Variants in REEP3 observed in about 807,000 individuals in gnomAD.
REEP3 encodes receptor expression-enhancing protein 3.
In REEP3, 20 loss-of-function variants were observed where a neutral mutation model predicts 41.3. That is an observed-to-expected ratio of 0.48 (90% CI 0.34 to 0.70). The LOEUF is 0.70. Among genes scored for constraint, REEP3 ranks in the 30% least tolerant of loss-of-function variants. The pLI is 0.01. For synonymous variants in REEP3, 104 were observed against 101.8 expected, an observed-to-expected ratio of 1.02 and a Z score of -0.13; for missense variants, 271 against 308.8, an observed-to-expected ratio of 0.88 and a Z score of 0.92.
intron 1 of REEP3, among the ~76,000 whole-genome samples, chr10:63,540,047 A>G (rs1292909323): frequency 6.6e-6 from 1 of 152,244 alleles, no homozygotes; most frequent in Non-Finnish European, 1.5e-5. Context: ...ATGATATTAA[A>G]ACAAGAAAAT....
rs978807838 is a variant in REEP3, at chr10:63,565,626, G to A, written c.33-712G>A. Among the ~76,000 whole-genome samples, 5 of 152,132 alleles carry A rather than the reference G, an allele frequency of 3.3e-5. No individual in the cohort carries two copies. The East Asian group carries it at 7.7e-4, about 23-fold the overall frequency. On this transcript the variant is annotated intron_variant, in intron 1 of 7. Coordinates refer to ENST00000373758, the MANE Select transcript of REEP3 (RefSeq NM_001001330.3). ...GTTTTCATTACCACAAATTGTGTAC[G>A]TGTATGTTTATGTCTTAGGTATACT...
chr10:63,561,224 T>G (rs1191753014), intron 1 of REEP3, among the ~76,000 whole-genome samples: 4 of 152,216 alleles, frequency 2.6e-5, no homozygotes, highest in Non-Finnish European at 4.4e-5. Context: ...GTTACATACA[T>G]TTAAGAAATA....
chr10:63,590,734 G>A (rs1216979789), intron 2 of REEP3, among the ~76,000 whole-genome samples: 2 of 152,142 alleles, frequency 1.3e-5, no homozygotes, highest in Non-Finnish European at 2.9e-5. Context: ...GAAATATTGG[G>A]TATAGCTTTC....
intron 3 of REEP3, among the ~76,000 whole-genome samples, chr10:63,595,797 C>T (rs538879846): frequency 5.9e-5 from 9 of 152,284 alleles, no homozygotes; most frequent in South Asian, 2.1e-4. Context: ...AGGCTGGTCT[C>T]GAACTCCCAA....
intron 1 of REEP3, among the ~76,000 whole-genome samples, chr10:63,531,049 A>G (rs1955416811): frequency 6.6e-6 from 1 of 152,214 alleles, no homozygotes; most frequent in Admixed American, 6.5e-5. Context: ...AAGTAAATTT[A>G]CCAGTTTCGT....
rs1304811434 is a variant in REEP3, at chr10:63,622,070, A to G, written c.*1201A>G. The G allele has an allele frequency of 1.3e-5, 2 of 152,216 alleles. No homozygotes were observed. Among genetic ancestry groups the G allele is most frequent in the Non-Finnish European group, 2.9e-5 (2 of 68,040 alleles). 9.4% of individuals were successfully genotyped at this position (152,216 alleles called of 1,614,324 possible). A position where few individuals can be genotyped will look rare whatever the true frequency, so the allele number is the denominator to read the frequency against. On this transcript the variant is annotated 3_prime_UTR_variant, in exon 8 of 8. Coordinates refer to ENST00000373758, the MANE Select transcript of REEP3 (RefSeq NM_001001330.3). Reference sequence around the variant, plus strand: ...CTTAAGGCTTTCTTAGCTTGAACTGATAACTATGCATTATGAACCCTAAGT... The same window carrying G: ...CTTAAGGCTTTCTTAGCTTGAACTGGTAACTATGCATTATGAACCCTAAGT...
chr10:63,574,847 CTTTTTTTT>C (rs56001048), intron 2 of REEP3, among the ~76,000 whole-genome samples: 53 of 58,930 alleles, frequency 9.0e-4, no homozygotes, highest in African/African-American at 3.1e-3. Flanking sequence ...AGGTCAATTT[CTTTTTTTT>C]TTTTTTTTTT....
intron 5 of REEP3, among the ~76,000 whole-genome samples, chr10:63,601,560 G>T (rs1956171927): frequency 6.6e-6 from 1 of 152,174 alleles, no homozygotes; most frequent in Admixed American, 6.5e-5. Flanking sequence ...AAGGTGCCAG[G>T]AGGGATGTCT....
rs143855674 is a variant in REEP3, at chr10:63,597,114, A to G, written c.183-910A>G. Among the ~76,000 whole-genome samples, 138 of 152,304 alleles carry G rather than the reference A, an allele frequency of 9.1e-4. 1 individual carries two copies. The highest frequency in any genetic ancestry group is 3.2e-3 in the African/African-American group (135 of 41,562). ...CTGCTGGCCAAAGCAAGCAAGTCAC[A>G]TGGTTAAAGCCACAGTCATTGGTTG... is the stretch of plus-strand genomic sequence containing the variant. On this transcript the variant is annotated intron_variant, in intron 3 of 7. Transcript: ENST00000373758.
Position 63,619,781 on chromosome 10 carries a change from C to G in REEP3, c.692C>G (p.Thr231Ser). ...TCGCAAAGCATGAAATCTGTGAAAA[C>G]CACCAAAGGCCGCAAAGAGGTTGGT... ...RRSQSMKSVK[T>S]TKGRKEVRYG... The change falls in exon 7 of 8, where the codon ACC (threonine) becomes AGC (serine). Residue 231 changes from threonine to serine, a missense_variant. Physicochemically the swap from Thr to Ser is moderately conservative, Grantham distance 58. Coordinates refer to ENST00000373758, the MANE Select transcript of REEP3 (RefSeq NM_001001330.3). The G allele has an allele frequency of 6.2e-7, 1 of 1,609,146 alleles. No homozygotes were observed. The highest frequency in any genetic ancestry group is 1.1e-5 in the South Asian group (1 of 89,660).
intron 2 of REEP3, among the ~76,000 whole-genome samples, chr10:63,588,911 A>G (rs1956032068): frequency 6.6e-6 from 1 of 152,206 alleles, no homozygotes; most frequent in South Asian, 2.1e-4. Context: ...AGACAAGGAA[A>G]CAGCATGCAA....
At position 63,524,604 on chromosome 10, in the gene REEP3, C is replaced by T. The variant is rs182919868; in HGVS notation, c.32+3027C>T. On this transcript the variant is annotated intron_variant, in intron 1 of 7. Transcript: ENST00000373758. ...GACTATAGGTGCACGCCACCACACCCGGCTAATTTTTTTGTATTTTTAGTA... is the reference window on the plus strand; with the variant it reads ...GACTATAGGTGCACGCCACCACACCTGGCTAATTTTTTTGTATTTTTAGTA... 6.1e-4 allele frequency among the ~76,000 whole-genome samples: 93 copies of T among 152,166 alleles called. 1 individual carries two copies. The highest frequency in any genetic ancestry group is 2.1e-3 in the African/African-American group (87 of 41,520).
chr10:63,581,945 C>T (rs376703309), intron 2 of REEP3, among the ~76,000 whole-genome samples: 78 of 150,564 alleles, frequency 5.2e-4, no homozygotes, highest in African/African-American at 1.9e-3. Context: ...ACTAAGGGTA[C>T]ATTTTAAATG....
chr10:63,612,894 C>T (rs1027927691), intron 6 of REEP3, among the ~76,000 whole-genome samples: 3 of 152,060 alleles, frequency 2.0e-5, no homozygotes, highest in Admixed American at 6.5e-5. Context: ...CCTTTATTAG[C>T]AGTTTATTCA....
Position 63,624,248 on chromosome 10 carries a change from A to G in REEP3, c.*3379A>G, listed in dbSNP as rs1235290520. ...GATCATTGTTATTGTGGTTTGCAGT[A>G]TATATTTCTTAGTAAATATCACTTA... On this transcript the variant is annotated 3_prime_UTR_variant, in exon 8 of 8. Coordinates refer to ENST00000373758, the MANE Select transcript of REEP3 (RefSeq NM_001001330.3). The G allele has an allele frequency of 6.6e-6, 1 of 152,142 alleles. No homozygotes were observed. The highest frequency in any genetic ancestry group is 1.5e-5 in the Non-Finnish European group (1 of 67,984). 9.4% of individuals were successfully genotyped at this position (152,142 alleles called of 1,614,324 possible).
chr10:63,577,524 T>C (rs1288342351), intron 2 of REEP3, among the ~76,000 whole-genome samples: 7 of 152,102 alleles, frequency 4.6e-5, no homozygotes, highest in African/African-American at 1.7e-4. Context: ...CCTGGGTTCA[T>C]GCGATCCTCC....
chr10:63,549,991 G>A (rs1264586472), intron 1 of REEP3, among the ~76,000 whole-genome samples: 2 of 152,202 alleles, frequency 1.3e-5, no homozygotes, highest in Admixed American at 6.5e-5. Flanking sequence ...GGGTGAGGAG[G>A]CCTGCTAGTG....
chr10:63,549,750 T>C (rs1379961372), intron 1 of REEP3, among the ~76,000 whole-genome samples: 5 of 152,114 alleles, frequency 3.3e-5, no homozygotes, highest in African/African-American at 4.8e-5. Flanking sequence ...ATGTTTCTCA[T>C]TGTTGGAATG....
intron 1 of REEP3, among the ~76,000 whole-genome samples, chr10:63,531,504 T>C (rs1021392913): frequency 6.6e-6 from 1 of 152,186 alleles, no homozygotes; most frequent in African/African-American, 2.4e-5. Flanking sequence ...AAAATATATA[T>C]GGAGAGGGCA....
Sources: allele counts gnomAD v4.1 joint callset (sites outside exome capture counted in the v4.1 genomes callset), GRCh38; gene constraint gnomAD v4.1.1; transcripts MANE v1.5; gene names NCBI Gene and HGNC (gene_info 2026-07-23, HGNC 2026-07-21).